Variants in CNTLN observed in about 807,000 individuals in gnomAD.
The protein encoded by CNTLN is centlein, centrosomal protein.
A neutral mutation model predicts 180.0 loss-of-function variants in CNTLN; 212 were observed. The ratio of observed to expected loss-of-function variants is 1.18; its 90% CI spans 1.05 to 1.32. The LOEUF is 1.32. Among genes scored for constraint, CNTLN ranks in the 40% most tolerant of loss-of-function variants. CNTLN has a pLI of 0.00. For synonymous variants in CNTLN, 722 were observed against 563.1 expected (o/e 1.28, Z -3.99); for missense variants, 2,095 against 1,610.9 (o/e 1.30, Z -5.14).
chr9:17,171,277 A>G (rs931230207), intron 2 of CNTLN, among the ~76,000 whole-genome samples: 4 of 151,994 alleles, frequency 2.6e-5, no homozygotes, highest in Admixed American at 6.6e-5. Flanking sequence ...CATTTATTGG[A>G]GCAGTCACTT....
intron 9 of CNTLN, among the ~76,000 whole-genome samples, chr9:17,331,374 T>TATTCATTAC (rs1465961482): frequency 6.6e-6 from 1 of 150,846 alleles, no homozygotes; most frequent in Non-Finnish European, 1.5e-5. Context: ...TTTTTTTTAG[T>TATTCATTAC]ATTCATTACA....
At chr9:17,214,873 G>A (rs571324312) in intron 2 of CNTLN, among the ~76,000 whole-genome samples, 16 of 152,162 alleles carry the variant, frequency 1.1e-4, no homozygotes, top group East Asian at 5.8e-4. Flanking sequence ...CATTCATTAC[G>A]TAGTCCTCGT....
intron 10 of CNTLN, among the ~76,000 whole-genome samples, chr9:17,340,466 A>C (rs1207404580): frequency 6.6e-6 from 1 of 152,218 alleles, no homozygotes; most frequent in Non-Finnish European, 1.5e-5. Flanking sequence ...TAATAAAATA[A>C]TCATGGTTTA....
intron 23 of CNTLN, among the ~76,000 whole-genome samples, chr9:17,482,172 A>G (rs977011746): frequency 1.3e-5 from 2 of 152,220 alleles, no homozygotes; most frequent in Non-Finnish European, 2.9e-5. Flanking sequence ...ATGAGAAAAC[A>G]TGATGGACAA....
intron 2 of CNTLN, among the ~76,000 whole-genome samples, chr9:17,148,666 G>A (rs1019334096): frequency 2.0e-5 from 3 of 152,126 alleles, no homozygotes; most frequent in Admixed American, 6.5e-5. Context: ...TAAATAAACC[G>A]TGAAAAGGAA....
At chr9:17,507,605 T>C (rs1833956147), downstream of CNTLN, among the ~76,000 whole-genome samples, 1 of 152,218 alleles carries the variant, frequency 6.6e-6, no homozygotes, top group Non-Finnish European at 1.5e-5. Flanking sequence ...CTGCCTTTGG[T>C]ATTAACACAA....
chr9:17,292,306 C>G lies in CNTLN; in HGVS notation c.984-5884C>G, dbSNP rs191292005. Among the ~76,000 whole-genome samples the G allele has an allele frequency of 5.2e-3, 795 of 152,094 alleles. 5 individuals carry two copies. Among genetic ancestry groups the G allele is most frequent in the Admixed American group, 8.2e-3 (126 of 15,282 alleles). ...TAGGGCTGATCATCTCATGGAGTAT[C>G]TTACGAGGGTTCTTTGGATTTCATG... On this transcript the variant is annotated intron_variant, in intron 6 of 25. Coordinates refer to ENST00000380647, the MANE Select transcript of CNTLN (RefSeq NM_017738.4).
the CNTLN span, among the ~76,000 whole-genome samples, chr9:17,527,500 T>C: frequency 1.3e-5 from 2 of 152,198 alleles, no homozygotes; most frequent in African/African-American, 4.8e-5. Context: ...GATGCATGTA[T>C]ACTGGGACGG....
intron 6 of CNTLN, among the ~76,000 whole-genome samples, chr9:17,282,441 G>GT (rs979662950): frequency 6.6e-6 from 1 of 151,952 alleles, no homozygotes; most frequent in Non-Finnish European, 1.5e-5. Context: ...GGGGCTGTTT[G>GT]TTTTTTTCTT....
intron 1 of CNTLN, among the ~76,000 whole-genome samples, chr9:17,140,203 A>G (rs1249467990): frequency 6.6e-6 from 1 of 152,180 alleles, no homozygotes; most frequent in Non-Finnish European, 1.5e-5. Context: ...CAAATTGACC[A>G]TAGTATAGCA....
At chr9:17,457,808 T>A in intron 19 of CNTLN, 93 bp downstream of exon 19, 1 of 801,738 alleles carries the variant, frequency 1.2e-6, no homozygotes, top group Non-Finnish European at 1.7e-6. Context: ...CTAATAAAGG[T>A]AAATTATGTT....
At chr9:17,485,458 C>T (rs377327924) in intron 24 of CNTLN, among the ~76,000 whole-genome samples, 16 of 152,124 alleles carry the variant, frequency 1.1e-4, no homozygotes, top group East Asian at 1.9e-4. Flanking sequence ...TATGCCAAAA[C>T]GTCTGCGACT....
At chr9:17,448,734 TA>T (rs1371738846) in intron 18 of CNTLN, among the ~76,000 whole-genome samples, 3 of 152,200 alleles carry the variant, frequency 2.0e-5, no homozygotes, top group Non-Finnish European at 4.4e-5. Context: ...GACATTCACT[TA>T]AAACATCTTT....
At chr9:17,522,831 C>T in the CNTLN span, among the ~76,000 whole-genome samples, 11 of 152,162 alleles carry the variant, frequency 7.2e-5, no homozygotes, top group African/African-American at 2.2e-4. Flanking sequence ...CTTGATTTTC[C>T]ATTCACCTGC....
intron 2 of CNTLN, among the ~76,000 whole-genome samples, chr9:17,159,316 T>C (rs372335823): frequency 7.2e-5 from 11 of 152,188 alleles, no homozygotes; most frequent in African/African-American, 2.4e-4. Context: ...ATACTGCTTT[T>C]CCTTTCAAGC....
At chr9:17,277,425 G>C (rs1021227601) in intron 6 of CNTLN, among the ~76,000 whole-genome samples, 2 of 152,088 alleles carry the variant, frequency 1.3e-5, no homozygotes, top group Admixed American at 6.6e-5. Context: ...GGTTTTCTCA[G>C]ATGCTTAGCA....
intron 12 of CNTLN, among the ~76,000 whole-genome samples, chr9:17,365,786 T>A (rs1296535630): frequency 6.6e-6 from 1 of 151,916 alleles, no homozygotes; most frequent in African/African-American, 2.4e-5. Context: ...AAACCCTGAT[T>A]GTACAAAAAA....
Position 17,335,930 on chromosome 9 carries a change from AC to A in CNTLN, c.1644+3201del, listed in dbSNP as rs68010340. Among the ~76,000 whole-genome samples, 10 of 151,346 alleles carry A rather than the reference AC, an allele frequency of 6.6e-5. 1 individual carries two copies. The highest frequency in any genetic ancestry group is 1.2e-4 in the African/African-American group (5 of 41,228). On this transcript the variant is annotated intron_variant, in intron 10 of 25. Coordinates refer to ENST00000380647, the MANE Select transcript of CNTLN (RefSeq NM_017738.4). ...ACATTCCAGCGAGTCTGTCTCAAAAACAAAAACAAAAACAAAGTTAGAGCTT... is the reference window on the plus strand; with the variant it reads ...ACATTCCAGCGAGTCTGTCTCAAAAAAAAAACAAAAACAAAGTTAGAGCTT...
Position 17,179,053 on chromosome 9 carries a change from G to A in CNTLN, c.449+35677G>A, listed in dbSNP as rs1265947193. Reference sequence around the variant, plus strand: ...AGGTCAGGAGATCGAGACCATCCCGGCTAAAACGGTGAAACCCCGTCTCTA... The same window carrying A: ...AGGTCAGGAGATCGAGACCATCCCGACTAAAACGGTGAAACCCCGTCTCTA... On this transcript the variant is annotated intron_variant, in intron 2 of 25. Coordinates refer to ENST00000380647, the MANE Select transcript of CNTLN (RefSeq NM_017738.4). Among the ~76,000 whole-genome samples the A allele has an allele frequency of 2.0e-5, 3 of 146,556 alleles. 1 individual carries two copies. The highest frequency in any genetic ancestry group is 4.5e-5 in the Non-Finnish European group (3 of 67,056).
Sources: gnomAD v4.1 joint callset for allele counts (sites outside exome capture counted in the v4.1 genomes callset) on GRCh38, gnomAD v4.1.1 for gene constraint, MANE v1.5 for transcripts, NCBI Gene and HGNC (gene_info 2026-07-23, HGNC 2026-07-21) for gene names.